IL1RAP: variants seen among roughly 807,000 people sequenced by gnomAD.
IL1RAP encodes the protein interleukin 1 receptor accessory protein.
A neutral mutation model predicts 60.7 loss-of-function variants in IL1RAP; 35 were observed. The observed-to-expected ratio is 0.58, with a 90% CI of 0.44 to 0.76. IL1RAP has a LOEUF of 0.76. Ranked by LOEUF, IL1RAP falls within the 30% of genes least tolerant of loss-of-function variation. The pLI is 0.00. For synonymous variants in IL1RAP, 268 were observed against 250.9 expected, an observed-to-expected ratio of 1.07 and a Z score of -0.64; for missense variants, 572 against 693.9, an observed-to-expected ratio of 0.82 and a Z score of 1.97.
chr3:190,535,547 CTT>C (rs1723386830), intron 1 of IL1RAP, among the ~76,000 whole-genome samples: 1 of 152,166 alleles, frequency 6.6e-6, no homozygotes, highest in African/African-American at 2.4e-5. Flanking sequence ...TTAACTACGA[CTT>C]ATAACTCACT....
chr3:190,529,903 G>A (rs1043181162), intron 1 of IL1RAP, among the ~76,000 whole-genome samples: 1 of 151,706 alleles, frequency 6.6e-6, no homozygotes, highest in African/African-American at 2.4e-5. Context: ...CAGTGGGCCT[G>A]GCTGCTGCCC....
chr3:190,615,932 A>G (rs188767958), intron 5 of IL1RAP, among the ~76,000 whole-genome samples: 3 of 152,252 alleles, frequency 2.0e-5, no homozygotes, highest in Non-Finnish European at 2.9e-5. Flanking sequence ...GACAACATAG[A>G]TTGGTTCTTT....
chr3:190,565,259 C>A (rs776214070), intron 3 of IL1RAP, among the ~76,000 whole-genome samples: 46 of 152,004 alleles, frequency 3.0e-4, no homozygotes, highest in Non-Finnish European at 2.2e-4. Flanking sequence ...CCTAGAGGTC[C>A]TCATTTTATA....
chr3:190,640,166 A>G (rs913673810), intron 9 of IL1RAP, among the ~76,000 whole-genome samples: 58 of 152,326 alleles, frequency 3.8e-4, no homozygotes, highest in African/African-American at 1.3e-3. Context: ...CAGTGTGACC[A>G]CTTTCTCATT....
intron 4 of IL1RAP, among the ~76,000 whole-genome samples, chr3:190,605,371 C>T (rs1366646204): frequency 6.6e-6 from 1 of 151,980 alleles, no homozygotes; most frequent in Non-Finnish European, 1.5e-5. Flanking sequence ...AAACAAACAA[C>T]TTCTAAAAAC....
intron 8 of IL1RAP, among the ~76,000 whole-genome samples, chr3:190,628,066 G>A (rs1732465979): frequency 6.6e-6 from 1 of 151,864 alleles, no homozygotes. Flanking sequence ...AAGGTAGATG[G>A]GTAGTAATAT....
At chr3:190,520,181 A>G (rs947083307) in intron 1 of IL1RAP, among the ~76,000 whole-genome samples, 9 of 152,120 alleles carry the variant, frequency 5.9e-5, no homozygotes, top group Admixed American at 5.2e-4. Context: ...ACCTTAAAAT[A>G]TCTGCTGAGG....
chr3:190,638,965 G>A (rs931976094), intron 9 of IL1RAP, among the ~76,000 whole-genome samples: 6 of 151,996 alleles, frequency 3.9e-5, no homozygotes, highest in Non-Finnish European at 2.9e-5. Flanking sequence ...TGCAAACGGG[G>A]CAGTTTTTGT....
intron 3 of IL1RAP, among the ~76,000 whole-genome samples, chr3:190,575,827 G>A (rs945373542): frequency 6.6e-6 from 1 of 152,218 alleles, no homozygotes; most frequent in Non-Finnish European, 1.5e-5. Flanking sequence ...GGCGGACAAG[G>A]TCCTCTAAAC....
intron 9 of IL1RAP, among the ~76,000 whole-genome samples, chr3:190,634,024 T>G (rs1732998234): frequency 6.6e-6 from 1 of 152,160 alleles, no homozygotes; most frequent in South Asian, 2.1e-4. Context: ...CATGAGCAAT[T>G]TTTTCATTTT....
intron 1 of IL1RAP, among the ~76,000 whole-genome samples, chr3:190,536,085 T>C (rs2108549146): frequency 2.6e-5 from 4 of 152,214 alleles, no homozygotes; most frequent in Middle Eastern, 6.8e-3. Flanking sequence ...CAGACCCCCA[T>C]ATTACCAGTT....
At chr3:190,644,501 T>G in intron 10 of IL1RAP, 104 bp downstream of exon 10, 1 of 866,956 alleles carries the variant, frequency 1.2e-6, no homozygotes, top group Non-Finnish European at 1.8e-6. Context: ...AAACCTAGAT[T>G]AACTGGAAGA....
At chr3:190,620,587 C>A (rs1334093678) in intron 6 of IL1RAP, 147 bp downstream of exon 6, 26 of 591,674 alleles carry the variant, frequency 4.4e-5, no homozygotes, top group Non-Finnish European at 7.2e-5. Context: ...GAGCCTTCAA[C>A]AATTCCATGC....
chr3:190,587,805 A>T (rs1487075159), intron 3 of IL1RAP, among the ~76,000 whole-genome samples: 3 of 152,222 alleles, frequency 2.0e-5, no homozygotes, highest in Admixed American at 1.3e-4. Flanking sequence ...AGGTCAGTGG[A>T]TAGAGGACTG....
chr3:190,632,626 T>C (rs1291211760), intron 9 of IL1RAP, among the ~76,000 whole-genome samples: 1 of 152,216 alleles, frequency 6.6e-6, no homozygotes, highest in Non-Finnish European at 1.5e-5. Context: ...TATTCTATGC[T>C]TAGTGGTTTC....
At position 190,629,418 on chromosome 3, in the gene IL1RAP, A is replaced by G. The variant is rs761639965; in HGVS notation, c.971A>G (p.Glu324Gly). ...QILSIKKVTS[E>G]DLKRSYVCHA... ...TTGAGCATCAAGAAAGTTACCTCTG[A>G]GGATCTCAAGCGCAGCTATGTCTGT... Residue 324 changes from glutamate (E) to glycine (G), a missense_variant, in exon 9 of 12, where the codon GAG becomes GGG. Physicochemically the swap from Glu to Gly is moderately conservative, Grantham distance 98. Transcript: ENST00000447382. 3.1e-6 allele frequency: 5 copies of G among 1,613,848 alleles called. No individual in the cohort carries two copies. Among genetic ancestry groups the G allele is most frequent in the Non-Finnish European group, 4.2e-6 (5 of 1,179,910 alleles).
chr3:190,626,353 T>C (rs944830112), intron 7 of IL1RAP, among the ~76,000 whole-genome samples: 4 of 152,222 alleles, frequency 2.6e-5, no homozygotes, highest in African/African-American at 7.2e-5. Flanking sequence ...TTAGTAAGTA[T>C]GTTGCTACTG....
chr3:190,652,965 G>A (rs553556958), downstream of IL1RAP, among the ~76,000 whole-genome samples: 16 of 152,076 alleles, frequency 1.1e-4, 1 homozygote, highest in Non-Finnish European at 2.2e-4. Flanking sequence ...GCTCTTTAAC[G>A]CAAGTAAATA....
chr3:190,590,309 G>A (rs1394353999), intron 3 of IL1RAP, among the ~76,000 whole-genome samples: 2 of 150,950 alleles, frequency 1.3e-5, no homozygotes, highest in South Asian at 4.2e-4. Context: ...AGGCTGGAGC[G>A]CAGTGGCACC....
Sources: allele counts gnomAD v4.1 joint callset (sites outside exome capture counted in the v4.1 genomes callset), GRCh38; gene constraint gnomAD v4.1.1; transcripts MANE v1.5; gene names NCBI Gene and HGNC (gene_info 2026-07-23, HGNC 2026-07-21).